FAM24B: variants seen among roughly 807,000 people sequenced by gnomAD.
FAM24B encodes the protein protein FAM24B.
Under a neutral mutation model 2.3 loss-of-function variants are expected in FAM24B, and 3 were observed. That is an observed-to-expected ratio of 1.29 (90% CI 0.59 to 3.32). The LOEUF (loss-of-function observed/expected upper bound fraction) is 3.32, where lower values mean the gene tolerates loss of function less well. Among genes scored for constraint, FAM24B ranks in the 30% most tolerant of loss-of-function variants. The probability of loss-of-function intolerance (pLI) is 0.03; values close to 1 mark genes in which losing one functional copy is unlikely to be tolerated. For missense variants in FAM24B, 98 were observed against 117.2 expected (o/e 0.84, Z 0.76); for synonymous variants, 36 against 46.3 (o/e 0.78, Z 0.90).
chr10:122,863,740 T>C (rs1411120670), intron 1 of FAM24B, among the ~76,000 whole-genome samples: 1 of 152,254 alleles, frequency 6.6e-6, no homozygotes, highest in Non-Finnish European at 1.5e-5. Context: ...TCAGATGATG[T>C]TGCCAGGGCT....
At chr10:122,877,624 C>T (rs1372790681) in intron 1 of FAM24B, among the ~76,000 whole-genome samples, 3 of 152,108 alleles carry the variant, frequency 2.0e-5, no homozygotes, top group Non-Finnish European at 4.4e-5. Context: ...GACCCAGGCT[C>T]CTCTCCTCCT....
At chr10:122,869,525 T>C (rs1489720645) in intron 1 of FAM24B, among the ~76,000 whole-genome samples, 8 of 152,280 alleles carry the variant, frequency 5.3e-5, no homozygotes, top group Admixed American at 5.2e-4. Flanking sequence ...ATTGACCACA[T>C]ACTTGGAAGT....
At chr10:122,872,336 T>C (rs1190275166) in intron 1 of FAM24B, among the ~76,000 whole-genome samples, 1 of 152,194 alleles carries the variant, frequency 6.6e-6, no homozygotes, top group African/African-American at 2.4e-5. Flanking sequence ...ACACTGTTGG[T>C]GGGACTGTAA....
chr10:122,858,795 C>A (rs922463994), intron 1 of FAM24B, among the ~76,000 whole-genome samples: 3 of 152,116 alleles, frequency 2.0e-5, no homozygotes, highest in Admixed American at 1.3e-4. Context: ...GCGAGAAGTA[C>A]CCCTTGGGCT....
intron 2 of FAM24B, among the ~76,000 whole-genome samples, chr10:122,853,405 C>T (rs1451288215): frequency 6.6e-6 from 1 of 152,148 alleles, no homozygotes; most frequent in Non-Finnish European, 1.5e-5. Flanking sequence ...CATGTATTTT[C>T]ATGCCTGTGA....
chr10:122,877,975 G>A (rs933546990), intron 1 of FAM24B, among the ~76,000 whole-genome samples: 2 of 152,160 alleles, frequency 1.3e-5, no homozygotes, highest in Non-Finnish European at 2.9e-5. Context: ...TGTACAGATG[G>A]TTGGGAAAAC....
intron 1 of FAM24B, among the ~76,000 whole-genome samples, chr10:122,856,939 G>GCCAGGC (rs1190070661): frequency 6.6e-6 from 1 of 152,090 alleles, no homozygotes; most frequent in Non-Finnish European, 1.5e-5. Context: ...GCCCCCCAGA[G>GCCAGGC]CCAGGCCCAG....
At chr10:122,869,962 C>CTT (rs1470215930) in intron 1 of FAM24B, among the ~76,000 whole-genome samples, 1 of 152,050 alleles carries the variant, frequency 6.6e-6, no homozygotes, top group Non-Finnish European at 1.5e-5. Context: ...AATAGAGACA[C>CTT]AAAAAGCCCT....
At chr10:122,853,089 C>T (rs554862816) in intron 2 of FAM24B, among the ~76,000 whole-genome samples, 20 of 152,224 alleles carry the variant, frequency 1.3e-4, no homozygotes, top group Admixed American at 1.3e-3. Context: ...AGCTAGCCTT[C>T]CTTCTTCTCT....
intron 1 of FAM24B, among the ~76,000 whole-genome samples, chr10:122,869,250 T>C (rs1465272832): frequency 4.6e-5 from 7 of 152,188 alleles, no homozygotes; most frequent in Non-Finnish European, 8.8e-5. Context: ...TAAATATATA[T>C]GCACCCAGTA....
chr10:122,850,590 T>C, intron 2 of FAM24B, 40 bp from the exon 3 acceptor site: 2 of 1,016,650 alleles, frequency 2.0e-6, no homozygotes, highest in Non-Finnish European at 3.1e-6. Context: ...GCCCACGTGG[T>C]CTCCCTCCCC....
intron 1 of FAM24B, among the ~76,000 whole-genome samples, chr10:122,858,566 G>A (rs1188723316): frequency 6.6e-6 from 1 of 151,844 alleles, no homozygotes; most frequent in African/African-American, 2.4e-5. Context: ...AAAAAAAAAA[G>A]AGTGTCACTG....
intron 1 of FAM24B, among the ~76,000 whole-genome samples, 184 bp from the exon 2 acceptor site, chr10:122,855,970 CAG>C (rs943781103): frequency 2.6e-5 from 4 of 152,232 alleles, no homozygotes; most frequent in Admixed American, 6.5e-5. Flanking sequence ...CGCTGACGCA[CAG>C]AGCCACCAGG....
chr10:122,866,569 G>A (rs1158241175), intron 1 of FAM24B, among the ~76,000 whole-genome samples: 1 of 151,974 alleles, frequency 6.6e-6, no homozygotes, highest in African/African-American at 2.4e-5. Context: ...TGTCTCTGCT[G>A]TCACATTTTG....
intron 1 of FAM24B, among the ~76,000 whole-genome samples, chr10:122,862,390 T>TCACA (rs1847739156): frequency 6.6e-6 from 1 of 152,064 alleles, no homozygotes; most frequent in Admixed American, 6.6e-5. Context: ...AGAATAAGAC[T>TCACA]CAGTAAGTAT....
At chr10:122,875,399 C>G (rs1220804510) in intron 1 of FAM24B, among the ~76,000 whole-genome samples, 5 of 152,206 alleles carry the variant, frequency 3.3e-5, no homozygotes, top group Non-Finnish European at 7.3e-5. Flanking sequence ...TTGAGAATTA[C>G]AAAATCTGCA....
At chr10:122,869,610 A>G (rs975344396) in intron 1 of FAM24B, among the ~76,000 whole-genome samples, 4 of 152,210 alleles carry the variant, frequency 2.6e-5, no homozygotes, top group African/African-American at 9.7e-5. Flanking sequence ...CAATCAAACT[A>G]GAACTCAGGA....
chr10:122,858,512 C>A (rs1847675387), intron 1 of FAM24B, among the ~76,000 whole-genome samples: 1 of 151,934 alleles, frequency 6.6e-6, no homozygotes, highest in Admixed American at 6.6e-5. Context: ...TGTAACAAAC[C>A]TGCATGTTGT....
At chr10:122,869,900 C>CA (rs1310802732) in intron 1 of FAM24B, among the ~76,000 whole-genome samples, 1 of 152,082 alleles carries the variant, frequency 6.6e-6, no homozygotes, top group Non-Finnish European at 1.5e-5. Context: ...CAAACACATT[C>CA]AAAAGCTAGC....
Sources: gnomAD v4.1 joint callset for allele counts (sites outside exome capture counted in the v4.1 genomes callset) on GRCh38, gnomAD v4.1.1 for gene constraint, MANE v1.5 for transcripts, NCBI Gene and HGNC (gene_info 2026-07-23, HGNC 2026-07-21) for gene names.